Variants in ZNF469 observed in about 807,000 individuals in gnomAD.
ZNF469 encodes zinc finger protein 469.
Under a neutral mutation model 1.0 loss-of-function variants are expected in ZNF469, and 1 was observed. The ratio of observed to expected loss-of-function variants is 1.00; its 90% CI spans 0.35 to 4.73. The LOEUF (loss-of-function observed/expected upper bound fraction) is 4.73, where lower values mean the gene tolerates loss of function less well. ZNF469 is among the 30% of genes most tolerant of loss of function. ZNF469 has a pLI of 0.16. For synonymous variants in ZNF469, 2,703 were observed against 2,363.4 expected, an observed-to-expected ratio of 1.14 and a Z score of -4.17; for missense variants, 6,100 against 5,356.3, an observed-to-expected ratio of 1.14 and a Z score of -4.33.
the ZNF469 span, among the ~76,000 whole-genome samples, chr16:88,159,089 C>T: frequency 0.095 from 14,038 of 147,834 alleles, 308 homozygotes; most frequent in East Asian, 0.21. Flanking sequence ...CCACTCTCAC[C>T]GTCCTGGTCA....
At chr16:88,381,421 C>G (rs1168487508), upstream of ZNF469, among the ~76,000 whole-genome samples, 2 of 149,756 alleles carry the variant, frequency 1.3e-5, no homozygotes, top group East Asian at 2.0e-4. Flanking sequence ...GACATGCACT[C>G]TCTCACACAC....
At chr16:88,391,658 G>A (rs1166295966) in intron 1 of ZNF469, among the ~76,000 whole-genome samples, 4 of 152,232 alleles carry the variant, frequency 2.6e-5, no homozygotes, top group South Asian at 4.1e-4. Context: ...AGGAGGCGGC[G>A]GGGAGCAGTG....
the ZNF469 span, among the ~76,000 whole-genome samples, chr16:88,232,387 C>A: frequency 6.6e-6 from 1 of 152,266 alleles, no homozygotes; most frequent in Non-Finnish European, 1.5e-5. Context: ...TCAACAGCTC[C>A]CCCTCCCACC....
At chr16:88,405,905 C>T (rs531503679) in intron 1 of ZNF469, among the ~76,000 whole-genome samples, 2 of 152,244 alleles carry the variant, frequency 1.3e-5, no homozygotes, top group African/African-American at 2.4e-5. Flanking sequence ...TGCGTCCTCC[C>T]GACCCCCGCC....
the ZNF469 span, among the ~76,000 whole-genome samples, chr16:88,203,166 C>G: frequency 6.6e-6 from 1 of 152,118 alleles, no homozygotes; most frequent in African/African-American, 2.4e-5. Flanking sequence ...AGGGCGAGTC[C>G]GGAGCATCCT....
At chr16:88,234,070 G>A in the ZNF469 span, among the ~76,000 whole-genome samples, 2,415 of 152,200 alleles carry the variant, frequency 0.016, 55 homozygotes, top group African/African-American at 0.056. Context: ...GGCTGCAGGC[G>A]CTGGGTGATT....
At chr16:88,144,160 T>C in the ZNF469 span, among the ~76,000 whole-genome samples, 6 of 152,054 alleles carry the variant, frequency 3.9e-5, no homozygotes, top group Admixed American at 3.9e-4. Flanking sequence ...GTCCAGCCTG[T>C]GGCAGTGAGC....
chr16:88,197,708 G>T, the ZNF469 span, among the ~76,000 whole-genome samples: 1 of 152,196 alleles, frequency 6.6e-6, no homozygotes, highest in Non-Finnish European at 1.5e-5. Context: ...CAGCGTCCGT[G>T]GGGCTGCCAT....
Position 88,415,122 on chromosome 16 carries a change from G to A in ZNF469, c.-191-9685G>A, listed in dbSNP as rs148839532. On this transcript the variant is annotated intron_variant, in intron 1 of 2. Coordinates refer to ENST00000565624, the MANE Select transcript of ZNF469 (RefSeq NM_001367624.2). ...CTCTGAGCCTCGGTTTCTCGTCTGA[G>A]CAATGGGGAGGAACAGAACCACCTT... Among the ~76,000 whole-genome samples the A allele has an allele frequency of 3.3e-3, 503 of 152,336 alleles. 4 individuals are homozygous for A. Among genetic ancestry groups the A allele is most frequent in the African/African-American group, 0.012 (480 of 41,584 alleles).
At chr16:88,178,846 A>ACCACCTTCACCTGGAGG in the ZNF469 span, 16 of 147,354 alleles carry the variant, frequency 1.1e-4, no homozygotes, top group East Asian at 4.1e-4. Context: ...GAGGGTGCTG[A>ACCACCTTCACCTGGAGG]CCACCTTCAC....
chr16:88,344,255 G>A, the ZNF469 span, among the ~76,000 whole-genome samples: 3 of 140,210 alleles, frequency 2.1e-5, no homozygotes, highest in East Asian at 5.0e-4. Flanking sequence ...GAGAAGAGGC[G>A]ATGGGGGGGC....
intron 1 of ZNF469, among the ~76,000 whole-genome samples, chr16:88,421,163 G>A (rs955977669): frequency 6.6e-6 from 1 of 152,166 alleles, no homozygotes; most frequent in Non-Finnish European, 1.5e-5. Flanking sequence ...CAGAAGCGTG[G>A]GGGCAGGAGC....
At chr16:88,213,662 A>G in the ZNF469 span, among the ~76,000 whole-genome samples, 1 of 152,256 alleles carries the variant, frequency 6.6e-6, no homozygotes, top group African/African-American at 2.4e-5. Flanking sequence ...CTCCTCCCCC[A>G]AAAGGGTTGC....
chr16:88,385,263 T>A (rs954753612), intron 1 of ZNF469, among the ~76,000 whole-genome samples: 2 of 152,016 alleles, frequency 1.3e-5, no homozygotes, highest in African/African-American at 4.8e-5. Flanking sequence ...GCCCTAGATA[T>A]CAGGCCATGG....
At chr16:88,272,286 G>A in the ZNF469 span, among the ~76,000 whole-genome samples, 72 of 113,386 alleles carry the variant, frequency 6.3e-4, 2 homozygotes, top group Admixed American at 3.2e-3. Context: ...TGGGTGGGTG[G>A]ATGGATGGGT....
chr16:88,425,144 C>T (rs73253650), intron 2 of ZNF469, among the ~76,000 whole-genome samples: 1,701 of 152,310 alleles, frequency 0.011, 40 homozygotes, highest in African/African-American at 0.039. Flanking sequence ...TAAATCAGAC[C>T]AGCTCCTTCC....
the ZNF469 span, among the ~76,000 whole-genome samples, chr16:88,266,376 G>A: frequency 5.9e-5 from 9 of 152,368 alleles, no homozygotes; most frequent in East Asian, 1.7e-3. Flanking sequence ...CAGGTGTCAG[G>A]CCCCAGGCTC....
the ZNF469 span, among the ~76,000 whole-genome samples, chr16:88,106,577 C>T: frequency 1.1e-4 from 16 of 152,376 alleles, no homozygotes; most frequent in Non-Finnish European, 1.9e-4. Flanking sequence ...GGCCAACCAG[C>T]GGCTTTTCTG....
the ZNF469 span, among the ~76,000 whole-genome samples, chr16:88,330,108 T>C: frequency 6.6e-6 from 1 of 152,268 alleles, no homozygotes; most frequent in Non-Finnish European, 1.5e-5. Context: ...CTTGGCCTTC[T>C]GACTTTCGGT....
Sources: gnomAD v4.1 joint callset for allele counts (sites outside exome capture counted in the v4.1 genomes callset) on GRCh38, gnomAD v4.1.1 for gene constraint, MANE v1.5 for transcripts, NCBI Gene and HGNC (gene_info 2026-07-23, HGNC 2026-07-21) for gene names.